BHLHE22: variants seen among roughly 807,000 people sequenced by gnomAD.
BHLHE22 encodes the protein basic helix-loop-helix family member e22.
A neutral mutation model predicts 17.6 loss-of-function variants in BHLHE22; 8 were observed. The observed-to-expected ratio is 0.45, with a 90% CI of 0.27 to 0.82. The LOEUF (loss-of-function observed/expected upper bound fraction) is 0.82, where lower values mean the gene tolerates loss of function less well. Ranked by LOEUF, BHLHE22 falls within the 40% of genes least tolerant of loss-of-function variation. The pLI is 0.16. For missense variants in BHLHE22, 570 were observed against 581.5 expected, an observed-to-expected ratio of 0.98 and a Z score of 0.20; for synonymous variants, 353 against 282.7, an observed-to-expected ratio of 1.25 and a Z score of -2.49.
rs200609947 is a variant in BHLHE22, at chr8:64,580,952, G to C, written c.162G>C (p.Pro54=). The C allele has an allele frequency of 1.4e-6, 2 of 1,455,694 alleles. No homozygotes were observed. The highest frequency in any genetic ancestry group is 2.9e-5 in the South Asian group (2 of 69,310). 90.2% of individuals were successfully genotyped at this position (1,455,694 alleles called of 1,614,324 possible). The part of the protein sequence containing the change: ...LSLAPPPRER[P]ASSSSSPLGC... ...TGGCGCCGCCGCCTCGGGAACGCCC[G>C]GCGTCCTCCTCCTCGTCGCCCCTGG... Residue 54 remains proline (P), a synonymous_variant, in exon 1 of 1, where the codon CCG becomes CCC. Coordinates refer to ENST00000321870, the MANE Select transcript of BHLHE22 (RefSeq NM_152414.5).
At position 64,580,620 on chromosome 8, in the gene BHLHE22, CGAAAAA is replaced by C; in HGVS notation, c.-160_-155del. Reference sequence around the variant, plus strand: ...AGGAGGCGGCGAGCGCGGGGGAAGGCGAAAAAGAAAAAGAAAGAAGGGGAGAGGGCT... The same window carrying C: ...AGGAGGCGGCGAGCGCGGGGGAAGGCGAAAAAGAAAGAAGGGGAGAGGGCT... On this transcript the variant is annotated 5_prime_UTR_variant, in exon 1 of 1. Coordinates refer to ENST00000321870, the MANE Select transcript of BHLHE22 (RefSeq NM_152414.5). 1 of 193,664 alleles carries C rather than the reference CGAAAAA, an allele frequency of 5.2e-6. No individual in the cohort carries two copies. Among genetic ancestry groups the C allele is most frequent in the Non-Finnish European group, 9.5e-6 (1 of 104,966 alleles). The allele number at this position is 193,664 out of a possible 1,614,324, so 12.0% of individuals were successfully genotyped here. A position where few individuals can be genotyped will look rare whatever the true frequency, so the allele number is the denominator to read the frequency against.
In BHLHE22 at chr8:64,582,091, G is replaced by A. The variant is rs865782982; in HGVS notation, c.*155G>A. 1.5e-4 allele frequency: 133 copies of A among 916,588 alleles called. 1 individual carries two copies. The highest frequency in any genetic ancestry group is 6.3e-4 in the South Asian group (38 of 60,314). The allele number at this position is 916,588 out of a possible 1,614,324, so 56.8% of individuals were successfully genotyped here. A position where few individuals can be genotyped will look rare whatever the true frequency, so the allele number is the denominator to read the frequency against. On this transcript the variant is annotated 3_prime_UTR_variant, in exon 1 of 1. Coordinates refer to ENST00000321870, the MANE Select transcript of BHLHE22 (RefSeq NM_152414.5). ...CTGAGGAGAAGTATCAGAGACAAAC[G>A]GGACTTTTAGCCTTGACATCCCCAG...
Position 64,581,205 on chromosome 8 carries a change from G to A in BHLHE22, c.415G>A (p.Ala139Thr). The change falls in exon 1 of 1, where the codon GCC (alanine) becomes ACC (threonine). Residue 139 changes from alanine to threonine, a missense_variant. Around this residue, in one of 3 missense-constraint regions of BHLHE22, gnomAD observed 427 missense variants for 376.2 expected, o/e 1.14. Coordinates refer to ENST00000321870, the MANE Select transcript of BHLHE22 (RefSeq NM_152414.5). The surrounding 1 kb of genome is among the most constrained non-coding windows in gnomAD (Gnocchi z 6.4). ...CGAAAGCGCGAGCCGGGGCTCGGTG[G>A]CCGAGAGCAGCGGCGGCGAGCAGAG... ...YGESASRGSV[A>T]ESSGGEQSPD... 5.5e-6 allele frequency: 8 copies of A among 1,447,086 alleles called. No individual in the cohort carries two copies. Among genetic ancestry groups the A allele is most frequent in the Non-Finnish European group, 7.2e-6 (8 of 1,112,012 alleles). 89.6% of individuals were successfully genotyped at this position (1,447,086 alleles called of 1,614,324 possible).
Position 64,581,130 on chromosome 8 carries a change from C to CCTA in BHLHE22, c.341_343dup (p.Pro114_Ser115insThr). 1 of 1,399,710 alleles carries CCTA rather than the reference C, an allele frequency of 7.1e-7. No homozygotes were observed. The highest frequency in any genetic ancestry group is 9.2e-7 in the Non-Finnish European group (1 of 1,087,822). 86.7% of individuals were successfully genotyped at this position (1,399,710 alleles called of 1,614,324 possible). A position where few individuals can be genotyped will look rare whatever the true frequency, so the allele number is the denominator to read the frequency against. Reference sequence around the variant, plus strand: ...AGGTTCAGCCGGCGTTGGGGGCGACCCTAGCCTAAGCAGCCTGCCGGCCGG... The same window carrying CCTA: ...AGGTTCAGCCGGCGTTGGGGGCGACCCTACTAGCCTAAGCAGCCTGCCGGCCGG... On this transcript the variant is annotated inframe_insertion, in exon 1 of 1. Coordinates refer to ENST00000321870, the MANE Select transcript of BHLHE22 (RefSeq NM_152414.5). The surrounding 1 kb of genome is among the most constrained non-coding windows in gnomAD (Gnocchi z 6.4).
rs770414740 is a variant in BHLHE22 at position 64,581,954 on chromosome 8, A to AC, written c.*19dup. On this transcript the variant is annotated 3_prime_UTR_variant, in exon 1 of 1. Coordinates refer to ENST00000321870, the MANE Select transcript of BHLHE22 (RefSeq NM_152414.5). This position sits in a 1 kb window ranked among gnomAD's most constrained non-coding sequence, Gnocchi z 6.4. ...AGCCTTAAACACACCCCCGAAAAAC[A>AC]CAAGACCGACCCAAAATCTAGAGGA... 2 of 1,609,836 alleles carry AC rather than the reference A, an allele frequency of 1.2e-6. No individual in the cohort carries two copies. The highest frequency in any genetic ancestry group is 1.7e-6 in the Non-Finnish European group (2 of 1,178,960).
chr8:64,581,047 G>T lies in BHLHE22; in HGVS notation c.257G>T (p.Gly86Val), dbSNP rs1804886087. Residue 86 changes from glycine (G) to valine (V), a missense_variant, in exon 1 of 1, where the codon GGC becomes GTC. By Grantham distance (109) the Gly-to-Val change is moderately radical. Around this residue, in one of 3 missense-constraint regions of BHLHE22, gnomAD observed 427 missense variants for 376.2 expected, o/e 1.14. Transcript: ENST00000321870. This position sits in a 1 kb window ranked among gnomAD's most constrained non-coding sequence, Gnocchi z 6.4. ...LLPPPGGGGGGSAGSGGGGGG... is the reference protein window; with the variant it reads ...LLPPPGGGGGVSAGSGGGGGG... Reference sequence around the variant, plus strand: ...CCGCCGCCTGGAGGAGGCGGCGGCGGCAGCGCGGGAAGTGGCGGCGGCGGC... The same window carrying T: ...CCGCCGCCTGGAGGAGGCGGCGGCGTCAGCGCGGGAAGTGGCGGCGGCGGC... 15 of 1,327,572 alleles carry T rather than the reference G, an allele frequency of 1.1e-5. No individual in the cohort carries two copies. The highest frequency in any genetic ancestry group is 1.4e-5 in the Non-Finnish European group (15 of 1,049,240). 82.2% of individuals were successfully genotyped at this position (1,327,572 alleles called of 1,614,324 possible). A position where few individuals can be genotyped will look rare whatever the true frequency, so the allele number is the denominator to read the frequency against.
Position 64,582,277 on chromosome 8 carries a change from G to A in BHLHE22, c.*341G>A. The A allele has an allele frequency of 2.7e-6, 1 of 369,768 alleles. No homozygotes were observed. Among genetic ancestry groups the A allele is most frequent in the African/African-American group, 2.2e-5 (1 of 45,024 alleles). The allele number at this position is 369,768 out of a possible 1,614,324, so 22.9% of individuals were successfully genotyped here. ...GGTGAAACATAAGTTGAGAAGTAGT[G>A]CTTGGTTATTAAGCCTGGAGAGTGT... is the stretch of plus-strand genomic sequence containing the variant. On this transcript the variant is annotated 3_prime_UTR_variant, in exon 1 of 1. Transcript: ENST00000321870.
Position 64,581,485 on chromosome 8 carries a change from G to A in BHLHE22, c.695G>A (p.Ser232Asn). 6.4e-7 allele frequency: 1 copy of A among 1,565,932 alleles called. No homozygotes were observed. The highest frequency in any genetic ancestry group is 8.6e-7 in the Non-Finnish European group (1 of 1,161,504). ...GSGGSSSSSS[S>N]SSKKSKEQKA... ...GGCGGCAGCAGCAGCAGCAGCAGCAGCAGCAGCAAGAAATCCAAAGAGCAA... is the reference window on the plus strand; with the variant it reads ...GGCGGCAGCAGCAGCAGCAGCAGCAACAGCAGCAAGAAATCCAAAGAGCAA... Residue 232 changes from serine (S) to asparagine (N), a missense_variant, in exon 1 of 1, where the codon AGC becomes AAC. Around this residue, in one of 3 missense-constraint regions of BHLHE22, gnomAD observed 427 missense variants for 376.2 expected, o/e 1.14. Coordinates refer to ENST00000321870, the MANE Select transcript of BHLHE22 (RefSeq NM_152414.5). This position sits in a 1 kb window ranked among gnomAD's most constrained non-coding sequence, Gnocchi z 6.4.
rs751168756 is a variant in BHLHE22, at chr8:64,582,834, T to C, written c.*898T>C. On this transcript the variant is annotated 3_prime_UTR_variant, in exon 1 of 1. Coordinates refer to ENST00000321870, the MANE Select transcript of BHLHE22 (RefSeq NM_152414.5). Reference sequence around the variant, plus strand: ...AAATTGTTTTATAGATTACTTATGCTGTGTGCCAAGTGTTTAAAGGTTTAT... The same window carrying C: ...AAATTGTTTTATAGATTACTTATGCCGTGTGCCAAGTGTTTAAAGGTTTAT... 2 of 167,092 alleles carry C rather than the reference T, an allele frequency of 1.2e-5. No homozygotes were observed. The highest frequency in any genetic ancestry group is 2.9e-5 in the Non-Finnish European group (2 of 68,134). The allele number at this position is 167,092 out of a possible 1,614,324, so 10.4% of individuals were successfully genotyped here.
rs1804924258 is a variant in BHLHE22 at position 64,582,777 on chromosome 8, G to A, written c.*841G>A. 1 of 166,774 alleles carries A rather than the reference G, an allele frequency of 6.0e-6. No individual in the cohort carries two copies. The highest frequency in any genetic ancestry group is 6.6e-5 in the Admixed American group (1 of 15,262). 10.3% of individuals were successfully genotyped at this position (166,774 alleles called of 1,614,324 possible). ...GTATTTATCATGTGTTAAAGTCATGGGTCTTATGTGCAGATTTTTTTAATG... is the reference window on the plus strand; with the variant it reads ...GTATTTATCATGTGTTAAAGTCATGAGTCTTATGTGCAGATTTTTTTAATG... On this transcript the variant is annotated 3_prime_UTR_variant, in exon 1 of 1. Transcript: ENST00000321870.
In BHLHE22 at chr8:64,583,183, CAT is replaced by C. The variant is rs1290574502; in HGVS notation, c.*1252_*1253del. 1 of 166,806 alleles carries C rather than the reference CAT, an allele frequency of 6.0e-6. No homozygotes were observed. Among genetic ancestry groups the C allele is most frequent in the African/African-American group, 2.4e-5 (1 of 41,346 alleles). 10.3% of individuals were successfully genotyped at this position (166,806 alleles called of 1,614,324 possible). A position where few individuals can be genotyped will look rare whatever the true frequency, so the allele number is the denominator to read the frequency against. On this transcript the variant is annotated 3_prime_UTR_variant, in exon 1 of 1. Coordinates refer to ENST00000321870, the MANE Select transcript of BHLHE22 (RefSeq NM_152414.5). ...TTTAATTGCTTTTAATATATATGTA[CAT>C]ATATGTTATTTTAACTGTGGAGAAT...
chr8:64,583,393 G>T lies in BHLHE22; in HGVS notation c.*1457G>T, dbSNP rs1323388733. On this transcript the variant is annotated 3_prime_UTR_variant, in exon 1 of 1. Transcript: ENST00000321870. ...TGCCTTTCCGCCCTATGAAAATCAA[G>T]AAAATCTTTTTTAAAAATGGAGTCC... 1.2e-5 allele frequency: 2 copies of T among 167,026 alleles called. No homozygotes were observed. Among genetic ancestry groups the T allele is most frequent in the Non-Finnish European group, 2.9e-5 (2 of 68,082 alleles). 10.3% of individuals were successfully genotyped at this position (167,026 alleles called of 1,614,324 possible).
rs747051926 is a variant in BHLHE22 at position 64,581,355 on chromosome 8, C to T, written c.565C>T (p.Leu189Phe). ...AGCCGAGGGCTGCTCCAATGCCCAC[C>T]TCCACGGCGGCGCCAGCGTCCCCCC... ...KAAEGCSNAH[L>F]HGGASVPPGG... is the part of the protein sequence containing the mutation. The change falls in exon 1 of 1, where the codon CTC becomes TTC. Residue 189 changes from leucine (L) to phenylalanine (F), a missense_variant. Around this residue, in one of 3 missense-constraint regions of BHLHE22, gnomAD observed 427 missense variants for 376.2 expected, o/e 1.14. Coordinates refer to ENST00000321870, the MANE Select transcript of BHLHE22 (RefSeq NM_152414.5). The surrounding 1 kb of genome is among the most constrained non-coding windows in gnomAD (Gnocchi z 6.4). The T allele has an allele frequency of 4.8e-6, 7 of 1,471,254 alleles. No individual in the cohort carries two copies. Among genetic ancestry groups the T allele is most frequent in the Non-Finnish European group, 5.3e-6 (6 of 1,123,206 alleles). The allele number at this position is 1,471,254 out of a possible 1,614,324, so 91.1% of individuals were successfully genotyped here. A position where few individuals can be genotyped will look rare whatever the true frequency, so the allele number is the denominator to read the frequency against.
At position 64,582,002 on chromosome 8, in the gene BHLHE22, C is replaced by T. The variant is rs979197366; in HGVS notation, c.*66C>T. 33 of 1,543,210 alleles carry T rather than the reference C, an allele frequency of 2.1e-5. No homozygotes were observed. The highest frequency in any genetic ancestry group is 2.8e-5 in the Non-Finnish European group (32 of 1,144,268). On this transcript the variant is annotated 3_prime_UTR_variant, in exon 1 of 1. Coordinates refer to ENST00000321870, the MANE Select transcript of BHLHE22 (RefSeq NM_152414.5). ...GGAAAGCGAAAAGCTGCTCCCCACC[C>T]CCTTTATTTTGGTCCTCTCGTAGTT...
In BHLHE22 at chr8:64,581,999, A is replaced by G; in HGVS notation, c.*63A>G. ...AGAGGAAAGCGAAAAGCTGCTCCCC[A>G]CCCCCTTTATTTTGGTCCTCTCGTA... On this transcript the variant is annotated 3_prime_UTR_variant, in exon 1 of 1. Coordinates refer to ENST00000321870, the MANE Select transcript of BHLHE22 (RefSeq NM_152414.5). This position sits in a 1 kb window ranked among gnomAD's most constrained non-coding sequence, Gnocchi z 6.4. 6.5e-7 allele frequency: 1 copy of G among 1,549,756 alleles called. No individual in the cohort carries two copies. The highest frequency in any genetic ancestry group is 2.4e-5 in the East Asian group (1 of 41,738).
rs1804894867 is a variant in BHLHE22 at position 64,581,375 on chromosome 8, C to T, written c.585C>T (p.Val195=). 4 of 1,481,454 alleles carry T rather than the reference C, an allele frequency of 2.7e-6. No homozygotes were observed. The highest frequency in any genetic ancestry group is 1.3e-5 in the South Asian group (1 of 74,516). 91.8% of individuals were successfully genotyped at this position (1,481,454 alleles called of 1,614,324 possible). The part of the protein sequence containing the change: ...SNAHLHGGAS[V]PPGGLGGGGG... Reference sequence around the variant, plus strand: ...CCCACCTCCACGGCGGCGCCAGCGTCCCCCCGGGGGGCCTGGGCGGCGGCG... The same window carrying T: ...CCCACCTCCACGGCGGCGCCAGCGTTCCCCCGGGGGGCCTGGGCGGCGGCG... Residue 195 remains valine, a synonymous_variant, in exon 1 of 1, where the codon GTC becomes GTT. Coordinates refer to ENST00000321870, the MANE Select transcript of BHLHE22 (RefSeq NM_152414.5). The surrounding 1 kb of genome is among the most constrained non-coding windows in gnomAD (Gnocchi z 6.4).
In BHLHE22 at chr8:64,580,742, G is replaced by GGCGGCGGCAGCGGGC. The variant is rs1158594217; in HGVS notation, c.-40_-26dup. On this transcript the variant is annotated 5_prime_UTR_variant, in exon 1 of 1. Coordinates refer to ENST00000321870, the MANE Select transcript of BHLHE22 (RefSeq NM_152414.5). Reference sequence around the variant, plus strand: ...CGCCTGACTCCGGGGCCGAGGCGGCGGCGGCGGCAGCGGGCGCGGCGGCCC... The same window carrying GGCGGCGGCAGCGGGC: ...CGCCTGACTCCGGGGCCGAGGCGGCGGCGGCGGCAGCGGGCGCGGCGGCAGCGGGCGCGGCGGCCC... The GGCGGCGGCAGCGGGC allele has an allele frequency of 2.5e-5, 26 of 1,040,440 alleles. No individual in the cohort carries two copies. The Admixed American group carries it at 3.9e-4, about 15-fold the overall frequency. The allele number at this position is 1,040,440 out of a possible 1,614,324, so 64.5% of individuals were successfully genotyped here.
chr8:64,581,064 G>A lies in BHLHE22; in HGVS notation c.274G>A (p.Gly92Ser). 7.6e-7 allele frequency: 1 copy of A among 1,319,466 alleles called. No individual in the cohort carries two copies. Among genetic ancestry groups the A allele is most frequent in the Non-Finnish European group, 9.6e-7 (1 of 1,043,384 alleles). 81.7% of individuals were successfully genotyped at this position (1,319,466 alleles called of 1,614,324 possible). A position where few individuals can be genotyped will look rare whatever the true frequency, so the allele number is the denominator to read the frequency against. Residue 92 changes from glycine (G) to serine (S), a missense_variant, in exon 1 of 1, where the codon GGC (glycine) becomes AGC (serine). By Grantham distance (56) the Gly-to-Ser change is moderately conservative. Transcript: ENST00000321870. This position sits in a 1 kb window ranked among gnomAD's most constrained non-coding sequence, Gnocchi z 6.4. ...CGGCGGCGGCAGCGCGGGAAGTGGCGGCGGCGGCGGCGGCGGGGTGGGTGT... is the reference window on the plus strand; with the variant it reads ...CGGCGGCGGCAGCGCGGGAAGTGGCAGCGGCGGCGGCGGCGGGGTGGGTGT... ...GGGGGSAGSG[G>S]GGGGGVGVPG...
In BHLHE22 at chr8:64,582,115, A is replaced by T; in HGVS notation, c.*179A>T. Reference sequence around the variant, plus strand: ...CGGGACTTTTAGCCTTGACATCCCCAGAATCTCGGTCTTTGGGGTGGGGAG... The same window carrying T: ...CGGGACTTTTAGCCTTGACATCCCCTGAATCTCGGTCTTTGGGGTGGGGAG... On this transcript the variant is annotated 3_prime_UTR_variant, in exon 1 of 1. Transcript: ENST00000321870. The T allele has an allele frequency of 2.0e-6, 1 of 494,266 alleles. No individual in the cohort carries two copies. Among genetic ancestry groups the T allele is most frequent in the Non-Finnish European group, 3.6e-6 (1 of 281,664 alleles). 30.6% of individuals were successfully genotyped at this position (494,266 alleles called of 1,614,324 possible). A position where few individuals can be genotyped will look rare whatever the true frequency, so the allele number is the denominator to read the frequency against.
Sources: allele counts gnomAD v4.1 joint callset, GRCh38; gene constraint gnomAD v4.1.1; regional missense constraint gnomAD v4.1.1; non-coding constraint Gnocchi (gnomAD v3.1); transcripts MANE v1.5; gene names NCBI Gene and HGNC (gene_info 2026-07-23, HGNC 2026-07-21).